RBFOX1: variants seen among roughly 807,000 people sequenced by gnomAD.
RBFOX1 encodes the protein RNA binding fox-1 homolog 1, also known as RNA binding protein fox-1 homolog 1.
In RBFOX1, 8 loss-of-function variants were observed where a neutral mutation model predicts 57.7. The observed-to-expected ratio is 0.14, with a 90% confidence interval of 0.08 to 0.25. RBFOX1 has a LOEUF of 0.25. Among genes scored for constraint, RBFOX1 ranks in the 10% least tolerant of loss-of-function variants. The pLI is 1.00. For missense variants in RBFOX1, 611 were observed against 548.5 expected (o/e 1.11, Z -1.14); for synonymous variants, 326 against 222.4 (o/e 1.47, Z -4.15).
chr16:5,883,454 C>T lies in RBFOX1; in HGVS notation c.351+16119C>T, dbSNP rs7199613. On this transcript the variant is annotated intron_variant, in intron 4 of 19. Transcript: ENST00000641259. Reference sequence around the variant, plus strand: ...TGCCTCATAACTATTCATCTCTTAGCATTGCATCTTACCATATTGGTAAGT... The same window carrying T: ...TGCCTCATAACTATTCATCTCTTAGTATTGCATCTTACCATATTGGTAAGT... 7.3e-3 allele frequency among the ~76,000 whole-genome samples: 1,118 copies of T among 152,178 alleles called. 9 individuals carry two copies. The highest frequency in any genetic ancestry group is 0.025 in the African/African-American group (1,045 of 41,542).
At chr16:6,810,860 C>T (rs2088349568) in intron 3 of RBFOX1, among the ~76,000 whole-genome samples, 1 of 152,172 alleles carries the variant, frequency 6.6e-6, no homozygotes, top group East Asian at 1.9e-4. Context: ...CAATCACAAG[C>T]CTCCCTCAAC....
intron 4 of RBFOX1, among the ~76,000 whole-genome samples, chr16:5,919,694 G>T (rs1251837464): frequency 6.6e-6 from 1 of 152,082 alleles, no homozygotes; most frequent in Non-Finnish European, 1.5e-5. Flanking sequence ...TCACAAGGTT[G>T]TGCCACCACC....
intron 2 of RBFOX1, among the ~76,000 whole-genome samples, chr16:5,495,356 G>A (rs1029237100): frequency 2.0e-5 from 3 of 152,192 alleles, no homozygotes; most frequent in African/African-American, 2.4e-5. Context: ...GAGGGGGAAC[G>A]TGTTGCAGAC....
At chr16:5,523,552 G>A (rs1326536248) in intron 2 of RBFOX1, among the ~76,000 whole-genome samples, 1 of 152,204 alleles carries the variant, frequency 6.6e-6, no homozygotes, top group Non-Finnish European at 1.5e-5. Context: ...GGATGGTTGA[G>A]ACTGCAGTGA....
At chr16:6,336,036 G>C (rs750883373) in intron 2 of RBFOX1, among the ~76,000 whole-genome samples, 21 of 148,790 alleles carry the variant, frequency 1.4e-4, no homozygotes, top group Non-Finnish European at 2.8e-4. Flanking sequence ...GACCTTGGCA[G>C]CTTCTTGACT....
At chr16:6,853,824 G>T (rs1229475412) in intron 3 of RBFOX1, among the ~76,000 whole-genome samples, 3 of 152,190 alleles carry the variant, frequency 2.0e-5, no homozygotes, top group Non-Finnish European at 4.4e-5. Flanking sequence ...CCCAACGGAT[G>T]ACTGACATTA....
chr16:6,509,258 A>T (rs1015403653), intron 2 of RBFOX1, among the ~76,000 whole-genome samples: 2 of 152,170 alleles, frequency 1.3e-5, no homozygotes, highest in African/African-American at 2.4e-5. Flanking sequence ...CTATGCGGTT[A>T]TTTGAGCTCC....
intron 5 of RBFOX1, among the ~76,000 whole-genome samples, chr16:7,546,208 TC>T (rs1034288540): frequency 6.6e-6 from 1 of 151,840 alleles, no homozygotes; most frequent in African/African-American, 2.4e-5. Context: ...GGGCCAGTAA[TC>T]CCAGGTACTT....
chr16:5,293,754 A>AG (rs1390609724), intron 1 of RBFOX1, among the ~76,000 whole-genome samples: 5 of 100,230 alleles, frequency 5.0e-5, no homozygotes, highest in African/African-American at 2.0e-4. Context: ...GCTGGGGGAA[A>AG]GGGGAGGGGA....
At chr16:7,332,763 G>C (rs2096715135) in intron 4 of RBFOX1, 1 of 1,376,668 alleles carries the variant, frequency 7.3e-7, no homozygotes. Context: ...TTCCATTTTG[G>C]TAGCTTCAAC....
At chr16:7,688,260 T>TGTGTGTGTGTGTGTGAGAGA (rs1319185243) in intron 14 of RBFOX1, among the ~76,000 whole-genome samples, 1 of 125,390 alleles carries the variant, frequency 8.0e-6, no homozygotes, top group African/African-American at 3.0e-5. Flanking sequence ...TGTGTGTGTG[T>TGTGTGTGTGTGTGTGAGAGA]GAGAGAGAGA....
intron 2 of RBFOX1, among the ~76,000 whole-genome samples, chr16:6,350,718 A>G (rs1025717366): frequency 6.6e-6 from 1 of 152,134 alleles, no homozygotes; most frequent in African/African-American, 2.4e-5. Flanking sequence ...ATGGATTTTC[A>G]TATTTAAGCC....
At chr16:5,782,937 T>C (rs1052237276) in intron 3 of RBFOX1, among the ~76,000 whole-genome samples, 15 of 152,276 alleles carry the variant, frequency 9.9e-5, no homozygotes, top group African/African-American at 3.4e-4. Flanking sequence ...ATGTAGGCCC[T>C]CCATGGATTG....
intron 4 of RBFOX1, among the ~76,000 whole-genome samples, chr16:7,445,377 C>T (rs556056866): frequency 1.3e-5 from 2 of 152,174 alleles, no homozygotes; most frequent in East Asian, 1.9e-4. Flanking sequence ...GTCTCCAGTA[C>T]CCTTATGCAC....
intron 14 of RBFOX1, among the ~76,000 whole-genome samples, chr16:7,700,456 G>A (rs575216063): frequency 1.3e-5 from 2 of 152,176 alleles, no homozygotes; most frequent in East Asian, 3.9e-4. Flanking sequence ...GGGATCCCCA[G>A]CTGCTGTTCA....
chr16:7,246,487 A>G (rs2094304696), intron 4 of RBFOX1, among the ~76,000 whole-genome samples: 1 of 152,114 alleles, frequency 6.6e-6, no homozygotes, highest in South Asian at 2.1e-4. Flanking sequence ...CAGGCTCTGC[A>G]TTATCTGGCC....
At chr16:6,853,073 T>G (rs1435328589) in intron 3 of RBFOX1, among the ~76,000 whole-genome samples, 5 of 152,138 alleles carry the variant, frequency 3.3e-5, no homozygotes, top group African/African-American at 4.8e-5. Flanking sequence ...CCTCTGGTGT[T>G]ACCCTTCACA....
chr16:6,324,020 G>A (rs1029693562), intron 2 of RBFOX1, among the ~76,000 whole-genome samples: 19 of 152,246 alleles, frequency 1.2e-4, no homozygotes, highest in Non-Finnish European at 1.8e-4. Flanking sequence ...TGGTCTGCCC[G>A]CCTCAGCCTC....
At chr16:5,567,300 T>C (rs1168032468) in intron 2 of RBFOX1, among the ~76,000 whole-genome samples, 1 of 152,190 alleles carries the variant, frequency 6.6e-6, no homozygotes, top group Non-Finnish European at 1.5e-5. Context: ...AGTGGCTGTG[T>C]GTTGCAGCAC....
Sources: gnomAD v4.1 joint callset for allele counts (sites outside exome capture counted in the v4.1 genomes callset) on GRCh38, gnomAD v4.1.1 for gene constraint, MANE v1.5 for transcripts, NCBI Gene and HGNC (gene_info 2026-07-23, HGNC 2026-07-21) for gene names.